Variants in VPS53 observed in about 807,000 individuals in gnomAD.
The protein encoded by VPS53 is VPS53 subunit of GARP complex.
A neutral mutation model predicts 107.0 loss-of-function variants in VPS53; 70 were observed. That is an observed-to-expected ratio of 0.65 (90% CI 0.54 to 0.80). VPS53 has a LOEUF of 0.80. VPS53 is among the 30% of genes least tolerant of loss of function. The pLI is 0.00. For missense variants in VPS53, 917 were observed against 1,049.4 expected, an observed-to-expected ratio of 0.87 and a Z score of 1.74; for synonymous variants, 409 against 393.3, an observed-to-expected ratio of 1.04 and a Z score of -0.47.
At chr17:571,707 T>A (rs886708602) in intron 13 of VPS53, among the ~76,000 whole-genome samples, 6 of 152,242 alleles carry the variant, frequency 3.9e-5, no homozygotes, top group Admixed American at 1.3e-4. Flanking sequence ...CATGCCTGAC[T>A]GGTTTTCGTA....
intron 4 of VPS53, among the ~76,000 whole-genome samples, chr17:693,478 T>C (rs1269322200): frequency 3.9e-5 from 6 of 152,148 alleles, no homozygotes. Flanking sequence ...TCTCAGCATT[T>C]TGGGAGCCCA....
Position 521,751 on chromosome 17 carries a change from G to C in VPS53, c.2086-13C>G. 1 of 1,529,058 alleles carries C rather than the reference G, an allele frequency of 6.5e-7. No individual in the cohort carries two copies. The allele number at this position is 1,529,058 out of a possible 1,614,324, so 94.7% of individuals were successfully genotyped here. ...TGTCCAGCAGCAGCTGTGGAGCAAA[G>C]CAGAGAGCATTACCGGCCCCTTCCA... On this transcript the variant is annotated splice_polypyrimidine_tract_variant and intron_variant, in intron 19 of 21. Coordinates refer to ENST00000437048, the MANE Select transcript of VPS53 (RefSeq NM_001128159.3).
chr17:691,367 G>A (rs1972769610), intron 4 of VPS53, among the ~76,000 whole-genome samples: 1 of 152,182 alleles, frequency 6.6e-6, no homozygotes, highest in South Asian at 2.1e-4. Context: ...GACCAACAAA[G>A]TAGCAAGCTC....
intron 7 of VPS53, among the ~76,000 whole-genome samples, chr17:635,789 G>C (rs1294323376): frequency 6.6e-6 from 1 of 152,170 alleles, no homozygotes; most frequent in Admixed American, 6.5e-5. Context: ...ATGCTGTTTT[G>C]GTTACTATAG....
chr17:683,762 G>C (rs529099393), intron 4 of VPS53, among the ~76,000 whole-genome samples: 1 of 152,364 alleles, frequency 6.6e-6, no homozygotes, highest in East Asian at 1.9e-4. Context: ...TACTCAGGAG[G>C]CTGAGGCAGG....
At chr17:649,835 G>A (rs1970867796) in intron 7 of VPS53, among the ~76,000 whole-genome samples, 2 of 152,262 alleles carry the variant, frequency 1.3e-5, no homozygotes, top group Non-Finnish European at 2.9e-5. Context: ...CCGTGGGAGA[G>A]ACATGAGAAT....
chr17:527,147 G>A (rs763609023), intron 19 of VPS53, among the ~76,000 whole-genome samples: 17 of 152,244 alleles, frequency 1.1e-4, no homozygotes, highest in Non-Finnish European at 2.2e-4. Context: ...ACGGAAGACA[G>A]AGCACACTTC....
At chr17:675,441 C>T (rs863331) in intron 4 of VPS53, 30,487 of 152,060 alleles carry the variant, frequency 0.2, 3,710 homozygotes, top group Non-Finnish European at 0.27. Context: ...CCCTCAAATA[C>T]ACCTTTTCTC....
At chr17:626,182 C>T (rs1969699826) in intron 10 of VPS53, among the ~76,000 whole-genome samples, 1 of 150,856 alleles carries the variant, frequency 6.6e-6, no homozygotes, top group Non-Finnish European at 1.5e-5. Flanking sequence ...GCACTCCAGT[C>T]TGGGTGACAA....
intron 11 of VPS53, among the ~76,000 whole-genome samples, chr17:607,581 C>T (rs1968645783): frequency 6.6e-6 from 1 of 152,178 alleles, no homozygotes; most frequent in South Asian, 2.1e-4. Flanking sequence ...TTGCAGCTGT[C>T]ACAGGCCACA....
chr17:522,109 C>G (rs890657703), intron 19 of VPS53, among the ~76,000 whole-genome samples: 7 of 151,942 alleles, frequency 4.6e-5, no homozygotes, highest in Non-Finnish European at 8.8e-5. Flanking sequence ...CAAAAATTAG[C>G]CAGGCGTGGG....
At chr17:523,691 G>A (rs1908916090) in intron 19 of VPS53, among the ~76,000 whole-genome samples, 1 of 152,214 alleles carries the variant, frequency 6.6e-6, no homozygotes, top group Non-Finnish European at 1.5e-5. Flanking sequence ...TCAAAGGCCT[G>A]CACCACGCAG....
At chr17:629,143 C>T (rs1597402108) in intron 8 of VPS53, among the ~76,000 whole-genome samples, 1 of 152,180 alleles carries the variant, frequency 6.6e-6, no homozygotes, top group African/African-American at 2.4e-5. Flanking sequence ...CCAATTCCAC[C>T]CATCTCAACT....
chr17:513,711 GGGAAGGAAT>G lies in VPS53; in HGVS notation c.*5408_*5416del. ...CAGGTTATTCCGAGTGCTCTTCCTA[GGGAAGGAAT>G]CTCATTTCCAGCAGGTTATTCCGAG... On this transcript the variant is annotated 3_prime_UTR_variant, in exon 22 of 22. Transcript: ENST00000437048. 7.2e-6 allele frequency: 1 copy of G among 138,624 alleles called. No individual in the cohort carries two copies. The highest frequency in any genetic ancestry group is 1.6e-5 in the Non-Finnish European group (1 of 63,302). The allele number at this position is 138,624 out of a possible 1,614,324, so 8.6% of individuals were successfully genotyped here. A position where few individuals can be genotyped will look rare whatever the true frequency, so the allele number is the denominator to read the frequency against.
intron 10 of VPS53, 54 bp downstream of exon 10, chr17:627,120 A>G: frequency 6.3e-7 from 1 of 1,576,086 alleles, no homozygotes; most frequent in South Asian, 1.2e-5. Context: ...GAGACTGGGG[A>G]ACCGATGGTG....
intron 17 of VPS53, chr17:537,915 A>G (rs1372768490): frequency 6.6e-6 from 1 of 152,256 alleles, no homozygotes; most frequent in Non-Finnish European, 1.5e-5. Flanking sequence ...GGGAAGGGAA[A>G]GAGAATCTCT....
intron 16 of VPS53, 52 bp downstream of exon 16, chr17:553,328 C>T (rs1597288680): frequency 6.4e-7 from 1 of 1,561,000 alleles, no homozygotes; most frequent in South Asian, 1.1e-5. Flanking sequence ...CTGCACGCTG[C>T]TGTGTAGTGG....
chr17:575,439 A>G (rs958250433), intron 13 of VPS53, among the ~76,000 whole-genome samples: 1 of 152,044 alleles, frequency 6.6e-6, no homozygotes, highest in African/African-American at 2.4e-5. Context: ...AAAACCTAAT[A>G]CGTTCCCAGA....
At chr17:683,574 A>AT (rs1972479397) in intron 4 of VPS53, among the ~76,000 whole-genome samples, 1 of 152,226 alleles carries the variant, frequency 6.6e-6, no homozygotes, top group East Asian at 1.9e-4. Flanking sequence ...ATCTAAGGAG[A>AT]TAAAAATGAG....
Sources: allele counts gnomAD v4.1 joint callset (sites outside exome capture counted in the v4.1 genomes callset), GRCh38; gene constraint gnomAD v4.1.1; transcripts MANE v1.5; gene names NCBI Gene and HGNC (gene_info 2026-07-23, HGNC 2026-07-21).